The following AHI1 variants were observed in gnomAD, a reference collection of about 807,000 sequenced individuals.
AHI1 encodes jouberin.
Under a neutral mutation model 149.3 loss-of-function variants are expected in AHI1, and 123 were observed. The observed-to-expected ratio is 0.82, with a 90% CI of 0.71 to 0.96. The LOEUF is 0.96. AHI1 is among the 40% of genes least tolerant of loss of function. The probability of loss-of-function intolerance (pLI) is 0.00; values close to 1 mark genes in which losing one functional copy is unlikely to be tolerated. For synonymous variants in AHI1, 475 were observed against 459.8 expected, an observed-to-expected ratio of 1.03 and a Z score of -0.42; for missense variants, 1,439 against 1,422.7, an observed-to-expected ratio of 1.01 and a Z score of -0.18.
intron 23 of AHI1, among the ~76,000 whole-genome samples, chr6:135,364,510 A>C (rs1360644606): frequency 8.7e-5 from 13 of 149,724 alleles, no homozygotes; most frequent in Admixed American, 1.3e-4. Context: ...CAGAGGCTGC[A>C]ATCTCAGCAC....
intron 24 of AHI1, among the ~76,000 whole-genome samples, chr6:135,336,026 T>A (rs1789318689): frequency 7.0e-6 from 1 of 142,168 alleles, no homozygotes; most frequent in African/African-American, 2.7e-5. Context: ...GGCAGGAGAA[T>A]CACTTGAACC....
intron 15 of AHI1, among the ~76,000 whole-genome samples, chr6:135,437,195 T>C (rs1785542741): frequency 6.6e-6 from 1 of 152,208 alleles, no homozygotes; most frequent in South Asian, 2.1e-4. Context: ...TGTGATTTAC[T>C]GTAGAGAATG....
intron 23 of AHI1, among the ~76,000 whole-genome samples, chr6:135,374,010 CAT>C (rs1389144938): frequency 6.7e-6 from 1 of 148,586 alleles, no homozygotes; most frequent in African/African-American, 2.5e-5. Context: ...CCTATGAAAA[CAT>C]GAGATTTATT....
At chr6:135,375,558 C>G (rs1181178351) in intron 23 of AHI1, among the ~76,000 whole-genome samples, 2 of 152,122 alleles carry the variant, frequency 1.3e-5, no homozygotes, top group East Asian at 1.9e-4. Context: ...TGAATCCATA[C>G]TTTGCAACAT....
At chr6:135,378,815 TACA>T (rs1336857910) in intron 23 of AHI1, among the ~76,000 whole-genome samples, 4 of 152,202 alleles carry the variant, frequency 2.6e-5, no homozygotes, top group Non-Finnish European at 5.9e-5. Context: ...GTTAAAAAAA[TACA>T]ACAACAAAAG....
chr6:135,408,297 C>T (rs1045719604), intron 21 of AHI1, among the ~76,000 whole-genome samples: 2 of 152,116 alleles, frequency 1.3e-5, no homozygotes, highest in Non-Finnish European at 2.9e-5. Context: ...AGACAAGGAA[C>T]ACATTTTCTT....
rs541695760 is a variant in AHI1 at position 135,361,520 on chromosome 6, C to T, written c.3110-3333G>A. Among the ~76,000 whole-genome samples the T allele has an allele frequency of 3.3e-5, 5 of 151,996 alleles. No homozygotes were observed. In the East Asian group the frequency reaches 9.7e-4, roughly 29 times the overall value. On this transcript the variant is annotated intron_variant, in intron 23 of 28. Coordinates refer to ENST00000265602, the MANE Select transcript of AHI1 (RefSeq NM_001134831.2). ...TTTTCTTTTAGAAAATGATTTCATT[C>T]CATTATTTCTTATGAGAAGGAAGTC...
At chr6:135,490,000 T>A (rs151122548) in intron 5 of AHI1, 25 of 482,400 alleles carry the variant, frequency 5.2e-5, no homozygotes, top group African/African-American at 4.6e-4. Context: ...GCAACTCAAG[T>A]AGGGAGATAG....
intron 16 of AHI1, among the ~76,000 whole-genome samples, chr6:135,431,816 T>C (rs1197144213): frequency 6.6e-6 from 1 of 152,176 alleles, no homozygotes; most frequent in Non-Finnish European, 1.5e-5. Context: ...CTCAGGAATA[T>C]CTCAAACACC....
intron 23 of AHI1, among the ~76,000 whole-genome samples, chr6:135,383,743 G>C (rs1777200491): frequency 6.6e-6 from 1 of 152,062 alleles, no homozygotes; most frequent in African/African-American, 2.4e-5. Context: ...AAATTGAACT[G>C]TCCATTTCGA....
chr6:135,300,689 T>C (rs1783759974), intron 26 of AHI1, 131 bp from the exon 27 acceptor site: 1 of 1,488,820 alleles, frequency 6.7e-7, no homozygotes, highest in Admixed American at 2.1e-5. Flanking sequence ...CAGGAATATC[T>C]ATGCCTGTCC....
rs1781470163 is a variant in AHI1, at chr6:135,283,957, A to T, written c.*1688T>A. 1 of 152,238 alleles carries T rather than the reference A, an allele frequency of 6.6e-6. No homozygotes were observed. Among genetic ancestry groups the T allele is most frequent in the African/African-American group, 2.4e-5 (1 of 41,466 alleles). 9.4% of individuals were successfully genotyped at this position (152,238 alleles called of 1,614,324 possible). A position where few individuals can be genotyped will look rare whatever the true frequency, so the allele number is the denominator to read the frequency against. On this transcript the variant is annotated 3_prime_UTR_variant, in exon 29 of 29. Transcript: ENST00000265602. ...TCTTGGTGATTCAATCAGAAAATCA[A>T]CACATATCTCAAAATTATTAGCTGA...
Position 135,433,027 on chromosome 6 carries a change from C to T in AHI1, c.2266G>A (p.Gly756Ser), listed in dbSNP as rs376754552. The T allele has an allele frequency of 1.2e-6, 2 of 1,604,258 alleles. No homozygotes were observed. The highest frequency in any genetic ancestry group is 2.2e-5 in the South Asian group (2 of 90,846). The part of the protein sequence containing the change: ...FINSLCFDTE[G>S]HHMYSGDCTG... ...TCTTCATTCATAGTCTCTGACATAC[C>T]TTCAGTATCAAAACAAAGTGAGTTG... Residue 756 changes from glycine (G) to serine (S), a missense_variant and splice_region_variant, in exon 16 of 29, where the codon GGT (glycine) becomes AGT (serine). Transcript: ENST00000265602.
intron 14 of AHI1, among the ~76,000 whole-genome samples, chr6:135,440,739 C>T (rs537204564): frequency 1.5e-4 from 23 of 152,066 alleles, no homozygotes; most frequent in Non-Finnish European, 2.5e-4. Flanking sequence ...CGAACTTAAC[C>T]GAGCACAGAC....
intron 24 of AHI1, among the ~76,000 whole-genome samples, chr6:135,357,752 G>A (rs1355609216): frequency 6.6e-6 from 1 of 152,104 alleles, no homozygotes; most frequent in African/African-American, 2.4e-5. Flanking sequence ...TGCTATAATT[G>A]TTAAATGCCT....
chr6:135,305,519 C>T (rs1162050105), intron 26 of AHI1, among the ~76,000 whole-genome samples: 1 of 152,188 alleles, frequency 6.6e-6, no homozygotes, highest in Non-Finnish European at 1.5e-5. Context: ...CATTCTTAAA[C>T]ACTGAGATGT....
chr6:135,447,436 C>T (rs568682520), intron 12 of AHI1, among the ~76,000 whole-genome samples: 4 of 152,268 alleles, frequency 2.6e-5, no homozygotes, highest in South Asian at 4.1e-4. Flanking sequence ...TCCTTTGTTT[C>T]TGCTTCTTCA....
intron 22 of AHI1, among the ~76,000 whole-genome samples, chr6:135,398,754 T>TC (rs1779617016): frequency 6.6e-6 from 1 of 152,186 alleles, no homozygotes; most frequent in African/African-American, 2.4e-5. Context: ...CCTGAACTTC[T>TC]CATTTCCAAA....
intron 23 of AHI1, among the ~76,000 whole-genome samples, chr6:135,386,672 C>T (rs1055496636): frequency 1.3e-5 from 2 of 151,804 alleles, no homozygotes; most frequent in Admixed American, 1.3e-4. Flanking sequence ...CTCTTGTCAT[C>T]CAGGCTGGAG....
Sources: gnomAD v4.1 joint callset for allele counts (sites outside exome capture counted in the v4.1 genomes callset) on GRCh38, gnomAD v4.1.1 for gene constraint, MANE v1.5 for transcripts, NCBI Gene and HGNC (gene_info 2026-07-23, HGNC 2026-07-21) for gene names.